RGS11: variants seen among roughly 807,000 people sequenced by gnomAD.
RGS11 encodes regulator of G-protein signaling 11.
A neutral mutation model predicts 71.1 loss-of-function variants in RGS11; 86 were observed. The ratio of observed to expected loss-of-function variants is 1.21; its 90% CI spans 1.02 to 1.45. RGS11 has a LOEUF of 1.45. RGS11 is among the 40% of genes most tolerant of loss of function. The probability of loss-of-function intolerance (pLI) is 0.00; values close to 1 mark genes in which losing one functional copy is unlikely to be tolerated. For synonymous variants in RGS11, 298 were observed against 254.2 expected, an observed-to-expected ratio of 1.17 and a Z score of -1.64; for missense variants, 734 against 635.1, an observed-to-expected ratio of 1.16 and a Z score of -1.67.
rs565855704 is a variant in RGS11 at position 269,697 on chromosome 16, C to T, written c.1207-112G>A. 448 of 861,690 alleles carry T rather than the reference C, an allele frequency of 5.2e-4. 2 individuals carry two copies. The African/African-American group carries it at 6.6e-3, about 13-fold the overall frequency. The allele number at this position is 861,690 out of a possible 1,614,324, so 53.4% of individuals were successfully genotyped here. ...GAGCCTCCTCCAGCCACAGAGTCTC[C>T]GGCGGACAGGGTGCTGGAGGCAGCC... is the stretch of plus-strand genomic sequence containing the variant. On this transcript the variant is annotated intron_variant, in intron 15 of 16. Coordinates refer to ENST00000397770, the MANE Select transcript of RGS11 (RefSeq NM_183337.3).
At position 273,570 on chromosome 16, in the gene RGS11, G is replaced by A. The variant is rs1230624674; in HGVS notation, c.507-14C>T. 2.6e-5 allele frequency: 40 copies of A among 1,556,902 alleles called. No individual in the cohort carries two copies. The highest frequency in any genetic ancestry group is 3.5e-5 in the Non-Finnish European group (40 of 1,150,546). On this transcript the variant is annotated splice_polypyrimidine_tract_variant and intron_variant, in intron 7 of 16. Transcript: ENST00000397770. ...TGCTTGGCTGCCCTGGGAGGAGGAGGCCGAGTTGAGGGCACGCCCTGCACA... is the reference window on the plus strand; with the variant it reads ...TGCTTGGCTGCCCTGGGAGGAGGAGACCGAGTTGAGGGCACGCCCTGCACA...
chr16:269,702 G>T, intron 15 of RGS11, 117 bp from the exon 16 acceptor site: 1 of 827,592 alleles, frequency 1.2e-6, no homozygotes, highest in East Asian at 2.6e-5. Flanking sequence ...GTCTCCGGCG[G>T]ACAGGGTGCT....
In RGS11 at chr16:268,335, T is replaced by G; in HGVS notation, c.*934A>C. ...GCTCAGAGCCAGGGCCCAAGGGTCTTTTATTTGTGTGCTGGACGCTGTTGG... is the reference window on the plus strand; with the variant it reads ...GCTCAGAGCCAGGGCCCAAGGGTCTGTTATTTGTGTGCTGGACGCTGTTGG... On this transcript the variant is annotated 3_prime_UTR_variant, in exon 17 of 17. Coordinates refer to ENST00000397770, the MANE Select transcript of RGS11 (RefSeq NM_183337.3). The G allele has an allele frequency of 8.3e-6, 2 of 241,536 alleles. No individual in the cohort carries two copies. The highest frequency in any genetic ancestry group is 6.0e-5 in the South Asian group (1 of 16,684). The allele number at this position is 241,536 out of a possible 1,614,324, so 15.0% of individuals were successfully genotyped here.
At position 274,104 on chromosome 16, in the gene RGS11, G is replaced by A. The variant is rs1567240479; in HGVS notation, c.371-3C>T. 1.3e-6 allele frequency: 2 copies of A among 1,553,804 alleles called. No individual in the cohort carries two copies. Among genetic ancestry groups the A allele is most frequent in the Non-Finnish European group, 1.7e-6 (2 of 1,148,632 alleles). ...GTTCTTCTTGGCCAGGTAGATGGCTGGAAGAACAGGGACAGCCTGCAGAGG... is the reference window on the plus strand; with the variant it reads ...GTTCTTCTTGGCCAGGTAGATGGCTAGAAGAACAGGGACAGCCTGCAGAGG... On this transcript the variant is annotated splice_region_variant and splice_polypyrimidine_tract_variant and intron_variant, in intron 5 of 16. Transcript: ENST00000397770.
rs375360341 is a variant in RGS11 at position 272,111 on chromosome 16, G to A, written c.658-542C>T. The A allele has an allele frequency of 2.1e-5, 24 of 1,118,156 alleles. No homozygotes were observed. The South Asian group carries it at 4.5e-4, about 21-fold the overall frequency. 69.3% of individuals were successfully genotyped at this position (1,118,156 alleles called of 1,614,324 possible). A position where few individuals can be genotyped will look rare whatever the true frequency, so the allele number is the denominator to read the frequency against. On this transcript the variant is annotated intron_variant, in intron 9 of 16. Transcript: ENST00000397770. ...TCAGCCTCCCAAAGTGCTGGGATTA[G>A]AGACGTGAGCCACCGCGCCCGGCCT...
intron 8 of RGS11, 36 bp downstream of exon 8, chr16:273,439 G>C: frequency 1.3e-6 from 2 of 1,501,916 alleles, no homozygotes; most frequent in Non-Finnish European, 1.8e-6. Flanking sequence ...CCCTGCGCTG[G>C]CCAGCGACCC....
At chr16:273,913 G>A (rs1268188395) in intron 6 of RGS11, 77 bp from the exon 7 acceptor site, 1 of 1,511,616 alleles carries the variant, frequency 6.6e-7, no homozygotes, top group Non-Finnish European at 9.2e-7. Flanking sequence ...TGGGGGGTTG[G>A]GGACTGTCTT....
chr16:274,207 TGCTCACCATAGTCCA>T lies in RGS11; in HGVS notation c.362_370+6del. ...ACTTGTCTGGGGCCAGCCGTCCCCT[TGCTCACCATAGTCCA>T]GCTCTGCAGCCGGCCTCAGGGTACT... is the stretch of plus-strand genomic sequence containing the variant. On this transcript the variant is annotated splice_donor_variant and splice_donor_5th_base_variant and coding_sequence_variant and intron_variant, in exon 5 of 17. Coordinates refer to ENST00000397770, the MANE Select transcript of RGS11 (RefSeq NM_183337.3). LOFTEE classifies it high-confidence loss of function. 6.2e-7 allele frequency: 1 copy of T among 1,609,302 alleles called. No homozygotes were observed. The highest frequency in any genetic ancestry group is 8.5e-7 in the Non-Finnish European group (1 of 1,178,198).
At position 275,837 on chromosome 16, in the gene RGS11, C is replaced by T; in HGVS notation, c.63+12G>A. The T allele has an allele frequency of 1.9e-6, 2 of 1,073,810 alleles. No homozygotes were observed. Among genetic ancestry groups the T allele is most frequent in the Non-Finnish European group, 2.3e-6 (2 of 866,062 alleles). The allele number at this position is 1,073,810 out of a possible 1,614,324, so 66.5% of individuals were successfully genotyped here. ...AAATCGGGGGACGGCGGGACACCCA[C>T]CCGCCTCGCACCTTCCTCAGATGCG... On this transcript the variant is annotated intron_variant, in intron 1 of 16. Transcript: ENST00000397770.
rs373018297 is a variant in RGS11, at chr16:271,457, C to G, written c.691G>C (p.Glu231Gln). 6.2e-7 allele frequency: 1 copy of G among 1,613,796 alleles called. No homozygotes were observed. Among genetic ancestry groups the G allele is most frequent in the African/African-American group, 1.3e-5 (1 of 74,926 alleles). The change falls in exon 11 of 17, where the codon GAG becomes CAG. Residue 231 changes from glutamate (E) to glutamine (Q), a missense_variant. By Grantham distance (29) the Glu-to-Gln change is conservative. Transcript: ENST00000397770. ...KSADFHKREI[E>Q]YFRKALGRTR... ...CTGCCCAGCGCTTTCCTGAAGTACTCGATCTAGGATGTGGGGCCTGTGAGT... is the reference window on the plus strand; with the variant it reads ...CTGCCCAGCGCTTTCCTGAAGTACTGGATCTAGGATGTGGGGCCTGTGAGT...
At position 274,939 on chromosome 16, in the gene RGS11, G is replaced by T. The variant is rs773085996; in HGVS notation, c.318+37C>A. The T allele has an allele frequency of 6.5e-6, 10 of 1,539,730 alleles. No homozygotes were observed. In the South Asian group the frequency reaches 8.4e-5, roughly 13 times the overall value. ...GGTAAGCTGGGTGGGTGGGGGTGGG[G>T]GTCCCACCGGCTCCCACCTGCACCC... On this transcript the variant is annotated intron_variant, in intron 4 of 16. Coordinates refer to ENST00000397770, the MANE Select transcript of RGS11 (RefSeq NM_183337.3).
intron 6 of RGS11, 26 bp from the exon 7 acceptor site, chr16:273,862 G>C (rs749978472): frequency 6.8e-6 from 11 of 1,607,924 alleles, no homozygotes; most frequent in Non-Finnish European, 9.4e-6. Context: ...TTTCCAGTGG[G>C]TCACCCCGGC....
chr16:274,060 G>C lies in RGS11; in HGVS notation c.412C>G (p.Leu138Val). The C allele has an allele frequency of 6.4e-7, 1 of 1,550,882 alleles. No homozygotes were observed. Among genetic ancestry groups the C allele is most frequent in the Non-Finnish European group, 8.7e-7 (1 of 1,147,122 alleles). The change falls in exon 6 of 17, where the codon CTG becomes GTG. Residue 138 changes from leucine to valine, a missense_variant. Coordinates refer to ENST00000397770, the MANE Select transcript of RGS11 (RefSeq NM_183337.3). ...AKKNIRKRGT[L>V]VDYEKDCYDR... is the part of the protein sequence containing the mutation. ...GGTCCCACCTTCTCATAATCCACCA[G>C]GGTCCCCCGTTTTCGGATGTTCTTC... is the stretch of plus-strand genomic sequence containing the variant.
At chr16:274,325 C>A (rs750061851) in intron 4 of RGS11, 60 bp from the exon 5 acceptor site, 17 of 1,547,974 alleles carry the variant, frequency 1.1e-5, no homozygotes, top group Admixed American at 1.9e-5. Flanking sequence ...CCCAGTGTCA[C>A]CCCACCCTCA....
chr16:272,486 G>C (rs957640982), intron 9 of RGS11: 11 of 1,345,578 alleles, frequency 8.2e-6, no homozygotes, highest in Admixed American at 2.2e-5. Context: ...TGGTTCTGGA[G>C]GCCTCCACCT....
At position 270,767 on chromosome 16, in the gene RGS11, G is replaced by A; in HGVS notation, c.1044C>T (p.Pro348=). The part of the protein sequence containing the change: ...ELRYGAQAQV[P]TLVDAVYEQF... ...ACTCGTACACGGCATCCACCAGGGTGGGGACCTGGGCCTGCGCTCCATATC... is the reference window on the plus strand; with the variant it reads ...ACTCGTACACGGCATCCACCAGGGTAGGGACCTGGGCCTGCGCTCCATATC... Residue 348 remains proline, a synonymous_variant, in exon 14 of 17, where the codon CCC becomes CCT. Coordinates refer to ENST00000397770, the MANE Select transcript of RGS11 (RefSeq NM_183337.3). The A allele has an allele frequency of 6.2e-7, 1 of 1,612,604 alleles. No homozygotes were observed. The highest frequency in any genetic ancestry group is 8.5e-7 in the Non-Finnish European group (1 of 1,179,910).
rs1296029755 is a variant in RGS11, at chr16:273,819, TAGCCGGTCATAGCAGTCCTGGGGGC to T, written c.430-8_446del. On this transcript the variant is annotated splice_acceptor_variant and splice_polypyrimidine_tract_variant and coding_sequence_variant and intron_variant, in exon 7 of 17. Transcript: ENST00000397770. LOFTEE classifies it high-confidence loss of function. ...CCCATGCGTGGTTGATCTTCTTGTG[TAGCCGGTCATAGCAGTCCTGGGGGC>T]AGCGAGGTTTCCAGTGGGTCACCCC... The T allele has an allele frequency of 6.2e-7, 1 of 1,613,354 alleles. No homozygotes were observed. Among genetic ancestry groups the T allele is most frequent in the South Asian group, 1.1e-5 (1 of 91,090 alleles).
At position 268,384 on chromosome 16, in the gene RGS11, C is replaced by G. The variant is rs1181523772; in HGVS notation, c.*885G>C. The G allele has an allele frequency of 3.2e-6, 1 of 316,940 alleles. No homozygotes were observed. Among genetic ancestry groups the G allele is most frequent in the African/African-American group, 2.1e-5 (1 of 46,894 alleles). The allele number at this position is 316,940 out of a possible 1,614,324, so 19.6% of individuals were successfully genotyped here. On this transcript the variant is annotated 3_prime_UTR_variant, in exon 17 of 17. Coordinates refer to ENST00000397770, the MANE Select transcript of RGS11 (RefSeq NM_183337.3). The stretch of plus-strand genomic sequence containing the variant: ...GGGAGTGACTGGATGTGAGCCAGCC[C>G]TATGGGTGGGGATGGCACCGCCCTA...
chr16:272,913 G>A lies in RGS11; in HGVS notation c.607C>T (p.Leu203=), dbSNP rs1211514602. ...NRPPPGAPDV[L]EQGPGRGSCA... The stretch of plus-strand genomic sequence containing the variant: ...GATCCCCGCCCTGGACCCTGCTCCA[G>A]CACATCGGGGGCCCCGGGCTGCGGA... The change falls in exon 9 of 17, where the codon CTG becomes TTG. Residue 203 remains leucine, a synonymous_variant. Transcript: ENST00000397770. The A allele has an allele frequency of 6.6e-7, 1 of 1,521,808 alleles. No homozygotes were observed. The highest frequency in any genetic ancestry group is 2.5e-5 in the East Asian group (1 of 40,380). The allele number at this position is 1,521,808 out of a possible 1,614,324, so 94.3% of individuals were successfully genotyped here. A position where few individuals can be genotyped will look rare whatever the true frequency, so the allele number is the denominator to read the frequency against.
Sources: allele counts gnomAD v4.1 joint callset, GRCh38; gene constraint gnomAD v4.1.1; transcripts MANE v1.5; gene names NCBI Gene and HGNC (gene_info 2026-07-23, HGNC 2026-07-21).